The following CERT1 variants were observed in gnomAD, a reference collection of about 807,000 sequenced individuals.
The protein encoded by CERT1 is ceramide transfer protein.
In CERT1, 31 loss-of-function variants were observed where a neutral mutation model predicts 87.9. That is an observed-to-expected ratio of 0.35 (90% CI 0.27 to 0.48). The LOEUF (loss-of-function observed/expected upper bound fraction) is 0.48, where lower values mean the gene tolerates loss of function less well. Among genes scored for constraint, CERT1 ranks in the 20% least tolerant of loss-of-function variants. The pLI is 0.99. For synonymous variants in CERT1, 289 were observed against 250.9 expected (o/e 1.15, Z -1.44); for missense variants, 487 against 758.0 (o/e 0.64, Z 4.20).
intron 2 of CERT1, among the ~76,000 whole-genome samples, chr5:75,471,015 A>C (rs1239829803): frequency 6.6e-6 from 1 of 152,210 alleles, no homozygotes; most frequent in South Asian, 2.1e-4. Context: ...TAAAATACTT[A>C]GGAATAAATT....
In CERT1 at chr5:75,478,246, G is replaced by T. The variant is rs529520625; in HGVS notation, c.232-19065C>A. 3.9e-4 allele frequency among the ~76,000 whole-genome samples: 59 copies of T among 152,014 alleles called. 1 individual carries two copies. In the Middle Eastern group the frequency reaches 0.014, roughly 35 times the overall value. Reference sequence around the variant, plus strand: ...GGAGAATTGCTTGAACCCTTAGGGCGGAGGGTGCAGTGAGCCAAGATCCTG... The same window carrying T: ...GGAGAATTGCTTGAACCCTTAGGGCTGAGGGTGCAGTGAGCCAAGATCCTG... On this transcript the variant is annotated intron_variant, in intron 2 of 16. Transcript: ENST00000643780.
At chr5:75,423,064 C>A (rs1472016758) in intron 5 of CERT1, among the ~76,000 whole-genome samples, 1 of 152,192 alleles carries the variant, frequency 6.6e-6, no homozygotes, top group Non-Finnish European at 1.5e-5. Context: ...GCAGCCCTAG[C>A]AAACTAATAC....
At position 75,494,142 on chromosome 5, in the gene CERT1, C is replaced by T. The variant is rs1285292670; in HGVS notation, c.231+11840G>A. ...AACTTTCTTCATATGACTGATAGTC[C>T]TTTGCTGTCTGCTCATTTTTAACAG... is the stretch of plus-strand genomic sequence containing the variant. On this transcript the variant is annotated intron_variant, in intron 2 of 16. Transcript: ENST00000643780. Among the ~76,000 whole-genome samples, 6 of 152,236 alleles carry T rather than the reference C, an allele frequency of 3.9e-5. No individual in the cohort carries two copies. The South Asian group carries it at 6.2e-4, about 16-fold the overall frequency.
At chr5:75,463,418 AAAGACATCTAT>A (rs888095135) in intron 2 of CERT1, among the ~76,000 whole-genome samples, 12 of 152,144 alleles carry the variant, frequency 7.9e-5, no homozygotes, top group Non-Finnish European at 1.6e-4. Context: ...GCTACAGGAA[AAAGACATCTAT>A]AAAAAAGTGG....
chr5:75,411,071 T>A lies in CERT1; in HGVS notation c.870A>T (p.Ala290=). 1 of 1,593,554 alleles carries A rather than the reference T, an allele frequency of 6.3e-7. No homozygotes were observed. Among genetic ancestry groups the A allele is most frequent in the Non-Finnish European group, 8.6e-7 (1 of 1,168,328 alleles). Residue 290 remains alanine (A), a synonymous_variant, in exon 8 of 17, where the codon GCA becomes GCT. Transcript: ENST00000643780. ...ETEKKRRTEE[A]YKNAMTELKK... is the part of the protein sequence containing the mutation. ...TAAGTTCTGTCATTGCATTTTTATA[T>A]GCTTCCTCTGTTCTTCTTTTCTTCT...
intron 8 of CERT1, among the ~76,000 whole-genome samples, chr5:75,407,856 CT>C (rs758743663): frequency 0.14 from 13,215 of 93,492 alleles, 600 homozygotes; most frequent in South Asian, 0.23. Context: ...TGAAGGAATT[CT>C]TTTTTTTTTT....
chr5:75,473,761 G>A (rs1193039701), intron 2 of CERT1, among the ~76,000 whole-genome samples: 1 of 152,028 alleles, frequency 6.6e-6, no homozygotes, highest in East Asian at 1.9e-4. Flanking sequence ...AACTATGTGA[G>A]GTAATATATT....
In CERT1 at chr5:75,426,535, CA is replaced by C. The variant is rs1340729029; in HGVS notation, c.349-58del. On this transcript the variant is annotated intron_variant, in intron 3 of 16. Transcript: ENST00000643780. ...TTTAAATAAAAAATACTTGAGAAAA[CA>C]AAAGGTTTCCTATGAATTAACAAGG... 18 of 1,258,160 alleles carry C rather than the reference CA, an allele frequency of 1.4e-5. No homozygotes were observed. The African/African-American group carries it at 2.1e-4, about 15-fold the overall frequency. The allele number at this position is 1,258,160 out of a possible 1,614,324, so 77.9% of individuals were successfully genotyped here. A position where few individuals can be genotyped will look rare whatever the true frequency, so the allele number is the denominator to read the frequency against.
intron 7 of CERT1, among the ~76,000 whole-genome samples, chr5:75,411,686 T>A (rs574825921): frequency 5.9e-5 from 9 of 152,244 alleles, no homozygotes; most frequent in African/African-American, 2.2e-4. Context: ...AGTAACTGCA[T>A]GTATACTTAA....
chr5:75,509,140 C>T (rs968410186), intron 1 of CERT1, among the ~76,000 whole-genome samples: 1 of 152,024 alleles, frequency 6.6e-6, no homozygotes, highest in Admixed American at 6.6e-5. Flanking sequence ...TAAATTTACC[C>T]AAGCCCATTC....
intron 2 of CERT1, among the ~76,000 whole-genome samples, chr5:75,499,666 C>T (rs1377628162): frequency 2.0e-5 from 3 of 152,196 alleles, no homozygotes; most frequent in African/African-American, 2.4e-5. Context: ...TTTGACTTCA[C>T]GGCCCATGCA....
At chr5:75,405,837 C>G (rs72633966) in intron 8 of CERT1, among the ~76,000 whole-genome samples, 18,068 of 144,216 alleles carry the variant, frequency 0.13, 1,214 homozygotes, top group East Asian at 0.24. Flanking sequence ...TAGGAAAAAA[C>G]AGTGTATATA....
At chr5:75,393,602 TAAAAAAAAAAAA>T (rs60898983) in intron 11 of CERT1, among the ~76,000 whole-genome samples, 4 of 32,770 alleles carry the variant, frequency 1.2e-4, no homozygotes, top group Non-Finnish European at 1.7e-4. Flanking sequence ...CTCATCTACT[TAAAAAAAAAAAA>T]AAAAAAAAAG....
intron 3 of CERT1, among the ~76,000 whole-genome samples, chr5:75,431,664 G>C (rs1405406045): frequency 6.6e-6 from 1 of 152,182 alleles, no homozygotes; most frequent in Admixed American, 6.5e-5. Context: ...AAAACATGCA[G>C]TATTTGTTTT....
chr5:75,440,054 G>A (rs917452887), intron 3 of CERT1, among the ~76,000 whole-genome samples: 1 of 151,958 alleles, frequency 6.6e-6, no homozygotes, highest in Non-Finnish European at 1.5e-5. Context: ...TCTGTAAAAC[G>A]ATATGGTTAG....
chr5:75,481,718 T>C (rs551911553), intron 2 of CERT1, among the ~76,000 whole-genome samples: 15 of 152,202 alleles, frequency 9.9e-5, no homozygotes, highest in Non-Finnish European at 1.6e-4. Context: ...ATATAACATA[T>C]TGACTTGATG....
chr5:75,497,753 A>G (rs1767141991), intron 2 of CERT1, among the ~76,000 whole-genome samples: 1 of 152,106 alleles, frequency 6.6e-6, no homozygotes, highest in Non-Finnish European at 1.5e-5. Context: ...AGAAATACCC[A>G]GTCTCGGGTA....
At chr5:75,381,312 T>A in intron 15 of CERT1, 111 bp from the exon 16 acceptor site, 1 of 1,211,826 alleles carries the variant, frequency 8.3e-7, no homozygotes, top group Non-Finnish European at 1.2e-6. Context: ...GTATCTCCAG[T>A]GAAATCTTAT....
intron 11 of CERT1, among the ~76,000 whole-genome samples, chr5:75,394,836 G>T (rs373640165): frequency 2.6e-5 from 4 of 151,972 alleles, no homozygotes; most frequent in Non-Finnish European, 4.4e-5. Flanking sequence ...ATTAGATAAG[G>T]GTGCAAAGAT....
Sources: gnomAD v4.1 joint callset for allele counts (sites outside exome capture counted in the v4.1 genomes callset) on GRCh38, gnomAD v4.1.1 for gene constraint, MANE v1.5 for transcripts, NCBI Gene and HGNC (gene_info 2026-07-23, HGNC 2026-07-21) for gene names.